Variants in DAW1 observed in about 807,000 individuals in gnomAD.
The protein encoded by DAW1 is dynein assembly factor with WD repeat domains 1.
Under a neutral mutation model 56.5 loss-of-function variants are expected in DAW1, and 47 were observed. The ratio of observed to expected loss-of-function variants is 0.83; its 90% CI spans 0.66 to 1.06. DAW1 has a LOEUF of 1.06. Among genes scored for constraint, DAW1 ranks in the 50% least tolerant of loss-of-function variants. DAW1 has a pLI of 0.00. For missense variants in DAW1, 505 were observed against 499.3 expected, an observed-to-expected ratio of 1.01 and a Z score of -0.11; for synonymous variants, 190 against 179.0, an observed-to-expected ratio of 1.06 and a Z score of -0.49.
intron 1 of DAW1, among the ~76,000 whole-genome samples, chr2:227,880,696 A>G (rs1690991030): frequency 6.6e-6 from 1 of 152,246 alleles, no homozygotes; most frequent in Admixed American, 6.5e-5. Context: ...GTTTCAGCAC[A>G]TCCGCGCAGC....
chr2:227,873,239 G>A (rs1690798872), intron 1 of DAW1, among the ~76,000 whole-genome samples: 1 of 152,154 alleles, frequency 6.6e-6, no homozygotes, highest in South Asian at 2.1e-4. Flanking sequence ...AGCCTGCACT[G>A]ATTTTACTCT....
At chr2:227,905,065 A>C in intron 8 of DAW1, 30 bp downstream of exon 8, 1 of 1,591,652 alleles carries the variant, frequency 6.3e-7, no homozygotes, top group Non-Finnish European at 8.6e-7. Context: ...AATTGTTTTA[A>C]CCTGGATCAG....
chr2:227,878,086 T>A (rs1056561512), intron 1 of DAW1, among the ~76,000 whole-genome samples: 2 of 152,244 alleles, frequency 1.3e-5, no homozygotes, highest in African/African-American at 4.8e-5. Context: ...TTTGCTAAAA[T>A]GTTAAAAATG....
chr2:227,878,438 T>C, intron 1 of DAW1, among the ~76,000 whole-genome samples: 1 of 152,178 alleles, frequency 6.6e-6, no homozygotes, highest in East Asian at 1.9e-4. Flanking sequence ...ATAATGTTGA[T>C]CAACTGGGCA....
rs1691700839 is a variant in DAW1 at position 227,907,019 on chromosome 2, G to A, written c.859-119G>A. 9.4e-6 allele frequency: 6 copies of A among 638,416 alleles called. No homozygotes were observed. The South Asian group carries it at 1.3e-4, about 14-fold the overall frequency. 39.5% of individuals were successfully genotyped at this position (638,416 alleles called of 1,614,324 possible). A position where few individuals can be genotyped will look rare whatever the true frequency, so the allele number is the denominator to read the frequency against. ...CTGAACATGCATGAATTACACAAGT[G>A]ATTTTTGCACAGTTATTTAACCAGC... On this transcript the variant is annotated intron_variant, in intron 9 of 12. Transcript: ENST00000309931.
At chr2:227,890,817 A>G (rs1030215793) in intron 3 of DAW1, among the ~76,000 whole-genome samples, 2 of 152,220 alleles carry the variant, frequency 1.3e-5, no homozygotes, top group Admixed American at 1.3e-4. Context: ...CATAACTTGG[A>G]CTGTCCCAGC....
intron 10 of DAW1, among the ~76,000 whole-genome samples, chr2:227,917,511 C>T (rs992162161): frequency 5.3e-5 from 8 of 152,190 alleles, no homozygotes; most frequent in South Asian, 2.1e-4. Flanking sequence ...CCTCCCGCCT[C>T]GGCCTCCCAA....
chr2:227,880,371 CACAA>C (rs1166334376), intron 1 of DAW1, among the ~76,000 whole-genome samples: 4 of 135,284 alleles, frequency 3.0e-5, no homozygotes, highest in East Asian at 2.2e-4. Flanking sequence ...TTTAATATGA[CACAA>C]ACAGTCTTTT....
At chr2:227,910,350 G>A (rs1715829) in intron 10 of DAW1, among the ~76,000 whole-genome samples, 73,148 of 151,578 alleles carry the variant, frequency 0.48, 18,122 homozygotes, top group Middle Eastern at 0.63. Flanking sequence ...GCATGCACCT[G>A]TAGACCTAAC....
Position 227,893,822 on chromosome 2 carries a change from G to A in DAW1, c.345G>A (p.Thr115=), listed in dbSNP as rs774468615. Residue 115 remains threonine (T), a synonymous_variant, in exon 5 of 13, where the codon ACG becomes ACA. Coordinates refer to ENST00000309931, the MANE Select transcript of DAW1 (RefSeq NM_178821.3). The stretch of plus-strand genomic sequence containing the variant: ...TTATCACAGGAAGCTATGATCGGAC[G>A]TGCAAGCTCTGGGACACTGCGTCTG... ...SCFITGSYDR[T]CKLWDTASGE... is the part of the protein sequence containing the mutation. The A allele has an allele frequency of 4.6e-5, 74 of 1,613,358 alleles. 1 individual carries two copies. The South Asian group carries it at 4.6e-4, about 10-fold the overall frequency.
chr2:227,882,213 G>A (rs1691027405), intron 1 of DAW1, among the ~76,000 whole-genome samples: 1 of 152,110 alleles, frequency 6.6e-6, no homozygotes, highest in African/African-American at 2.4e-5. Context: ...AGGACTCCTG[G>A]GAACCCTTGA....
chr2:227,914,365 A>G (rs1691901936), intron 10 of DAW1, among the ~76,000 whole-genome samples: 1 of 152,086 alleles, frequency 6.6e-6, no homozygotes, highest in South Asian at 2.1e-4. Flanking sequence ...CTATGATGCT[A>G]TACTATGTAT....
Position 227,906,266 on chromosome 2 carries a change from T to C in DAW1, c.786T>C (p.Ala262=), listed in dbSNP as rs1208605297. Reference sequence around the variant, plus strand: ...TAAATATCTTAATTGGTCATTGTGCTGAGATTAGCAGTGCCTCATTCAATT... The same window carrying C: ...TAAATATCTTAATTGGTCATTGTGCCGAGATTAGCAGTGCCTCATTCAATT... ...RKVNILIGHC[A]EISSASFNWD... Residue 262 remains alanine (A), a synonymous_variant, in exon 9 of 13, where the codon GCT becomes GCC. Transcript: ENST00000309931. 1.2e-6 allele frequency: 2 copies of C among 1,612,824 alleles called. No homozygotes were observed. Among genetic ancestry groups the C allele is most frequent in the African/African-American group, 1.3e-5 (1 of 75,034 alleles).
intron 5 of DAW1, among the ~76,000 whole-genome samples, chr2:227,894,658 G>A (rs1293085757): frequency 6.6e-6 from 1 of 152,178 alleles, no homozygotes; most frequent in East Asian, 1.9e-4. Context: ...AAAAATGTGT[G>A]TGGTAACATG....
At chr2:227,911,372 T>TTATATCTATTA (rs1691824425) in intron 10 of DAW1, among the ~76,000 whole-genome samples, 1 of 106,120 alleles carries the variant, frequency 9.4e-6, no homozygotes, top group East Asian at 2.4e-4. Flanking sequence ...TTATACATGA[T>TTATATCTATTA]TATATATATT....
At chr2:227,922,095 G>C (rs1692123759) in intron 12 of DAW1, among the ~76,000 whole-genome samples, 1 of 152,356 alleles carries the variant, frequency 6.6e-6, no homozygotes, top group South Asian at 2.1e-4. Flanking sequence ...GGAGGCTTCA[G>C]TGAGCTATGA....
At chr2:227,912,555 G>T (rs1412294417) in intron 10 of DAW1, 1 of 1,233,292 alleles carries the variant, frequency 8.1e-7, no homozygotes, top group Non-Finnish European at 1.0e-6. Context: ...ATCACTGGAG[G>T]TCTGGACATT....
chr2:227,903,059 A>G lies in DAW1; in HGVS notation c.598A>G (p.Thr200Ala), dbSNP rs749621789. 1.2e-6 allele frequency: 2 copies of G among 1,614,216 alleles called. No homozygotes were observed. The highest frequency in any genetic ancestry group is 1.1e-5 in the South Asian group (1 of 91,076). Residue 200 changes from threonine (T) to alanine (A), a missense_variant, in exon 7 of 13, where the codon ACA (threonine) becomes GCA (alanine). Transcript: ENST00000309931. ...GGTGGCGACTGGAAGTATGGACACA[A>G]CAGCCAAATTGTGGGACATTCAGAA... The part of the protein sequence containing the change: ...TLVATGSMDT[T>A]AKLWDIQNGE...
chr2:227,884,127 A>G (rs1691070557), intron 1 of DAW1, among the ~76,000 whole-genome samples: 1 of 152,202 alleles, frequency 6.6e-6, no homozygotes, highest in African/African-American at 2.4e-5. Flanking sequence ...ATTCTCTGTC[A>G]TCTCTACTTT....
Sources: allele counts gnomAD v4.1 joint callset (sites outside exome capture counted in the v4.1 genomes callset), GRCh38; gene constraint gnomAD v4.1.1; transcripts MANE v1.5; gene names NCBI Gene and HGNC (gene_info 2026-07-23, HGNC 2026-07-21).